MACROD2: variants seen among roughly 807,000 people sequenced by gnomAD.
MACROD2 encodes the protein mono-ADP ribosylhydrolase 2, also known as ADP-ribose glycohydrolase MACROD2.
A neutral mutation model predicts 70.4 loss-of-function variants in MACROD2; 36 were observed. The ratio of observed to expected loss-of-function variants is 0.51; its 90% CI spans 0.39 to 0.68. The LOEUF is 0.68. Among genes scored for constraint, MACROD2 ranks in the 30% least tolerant of loss-of-function variants. The pLI is 0.00. For synonymous variants in MACROD2, 172 were observed against 178.8 expected, an observed-to-expected ratio of 0.96 and a Z score of 0.30; for missense variants, 496 against 538.4, an observed-to-expected ratio of 0.92 and a Z score of 0.78.
chr20:16,033,818 T>C (rs1014725718), intron 15 of MACROD2, among the ~76,000 whole-genome samples: 5 of 147,144 alleles, frequency 3.4e-5, no homozygotes, highest in Non-Finnish European at 3.0e-5. Context: ...TAGCCAGAAG[T>C]AAGCAGACTT....
chr20:14,176,968 T>C (rs1405309254), intron 3 of MACROD2, among the ~76,000 whole-genome samples: 1 of 152,188 alleles, frequency 6.6e-6, no homozygotes, highest in Non-Finnish European at 1.5e-5. Flanking sequence ...ATTAGTTTAG[T>C]GAGAAATATG....
chr20:14,326,070 C>T lies in MACROD2; in HGVS notation c.272-167409C>T. 1.2e-6 allele frequency: 2 copies of T among 1,613,876 alleles called. No homozygotes were observed. Among genetic ancestry groups the T allele is most frequent in the Non-Finnish European group, 1.7e-6 (2 of 1,179,874 alleles). On this transcript the variant is annotated intron_variant, in intron 3 of 17. Transcript: ENST00000684519. The surrounding 1 kb of genome is among the most constrained non-coding windows in gnomAD (Gnocchi z 5.5). ...AGAGGTTGCTGGTTTCCATGGGAACCATGCATACTTTATAGGGTGAATCAG... is the reference window on the plus strand; with the variant it reads ...AGAGGTTGCTGGTTTCCATGGGAACTATGCATACTTTATAGGGTGAATCAG...
intron 5 of MACROD2, among the ~76,000 whole-genome samples, chr20:14,957,100 T>G (rs2074543871): frequency 6.6e-6 from 1 of 151,856 alleles, no homozygotes; most frequent in Admixed American, 6.6e-5. Flanking sequence ...TTATCAATGA[T>G]TTTTTTTAGT....
rs184603657 is a variant in MACROD2, at chr20:15,275,516, G to A, written c.540+45455G>A. Among the ~76,000 whole-genome samples, 122 of 152,290 alleles carry A rather than the reference G, an allele frequency of 8.0e-4. 1 individual carries two copies. The highest frequency in any genetic ancestry group is 2.9e-3 in the African/African-American group (120 of 41,570). ...AACATATAGTGGTAGACTCAAAGTA[G>A]ACTGGGCATCAAATTTACTGCATGT... On this transcript the variant is annotated intron_variant, in intron 6 of 17. Coordinates refer to ENST00000684519, the MANE Select transcript of MACROD2 (RefSeq NM_001351661.2).
chr20:14,451,164 G>A (rs780067089), intron 3 of MACROD2, among the ~76,000 whole-genome samples: 1 of 152,036 alleles, frequency 6.6e-6, no homozygotes, highest in Non-Finnish European at 1.5e-5. Flanking sequence ...TTACCTGGCC[G>A]GGTGCAGTGG....
rs755778680 is a variant in MACROD2, at chr20:14,317,881, T to C, written c.272-175598T>C. On this transcript the variant is annotated intron_variant, in intron 3 of 17. Transcript: ENST00000684519. ...TTAAAAGATCTAAAATACTTAATGC[T>C]GGGCTTGACAAAGTCTTCAACAAAT... Among the ~76,000 whole-genome samples the C allele has an allele frequency of 1.2e-3, 189 of 152,320 alleles. 1 individual carries two copies. The highest frequency in any genetic ancestry group is 6.8e-3 in the Middle Eastern group (2 of 294).
chr20:14,603,955 A>G (rs935942167), intron 4 of MACROD2, among the ~76,000 whole-genome samples: 2 of 152,122 alleles, frequency 1.3e-5, no homozygotes, highest in Non-Finnish European at 2.9e-5. Context: ...GCAATTCAAA[A>G]CAAGCTTTCT....
At chr20:14,255,907 T>C (rs1394578700) in intron 3 of MACROD2, among the ~76,000 whole-genome samples, 2 of 151,976 alleles carry the variant, frequency 1.3e-5, no homozygotes, top group Non-Finnish European at 2.9e-5. Flanking sequence ...GCCTAGATGT[T>C]GTTTTTTTCT....
chr20:14,629,752 G>A lies in MACROD2; in HGVS notation c.302-55091G>A, dbSNP rs565418315. The stretch of plus-strand genomic sequence containing the variant: ...AGATGTGCTGTCAATGAGCTTTGCA[G>A]ACTGGTTCTTTTCCCTCTAGCCAAG... On this transcript the variant is annotated intron_variant, in intron 4 of 17. Transcript: ENST00000684519. Among the ~76,000 whole-genome samples the A allele has an allele frequency of 2.0e-5, 3 of 152,282 alleles. No individual in the cohort carries two copies. In the South Asian group the frequency reaches 6.2e-4, roughly 32 times the overall value.
intron 8 of MACROD2, among the ~76,000 whole-genome samples, chr20:15,857,459 G>A (rs2064370121): frequency 6.6e-6 from 1 of 152,194 alleles, no homozygotes; most frequent in Non-Finnish European, 1.5e-5. Flanking sequence ...TGCTCTTGCT[G>A]CAGAACTTCA....
chr20:15,811,072 C>A (rs574699768), intron 8 of MACROD2, among the ~76,000 whole-genome samples: 109 of 151,558 alleles, frequency 7.2e-4, no homozygotes, highest in Admixed American at 5.1e-3. Flanking sequence ...GCAACAAAAG[C>A]CAAAATTGAC....
chr20:14,824,873 T>C (rs1376374521), intron 5 of MACROD2, among the ~76,000 whole-genome samples: 2 of 152,128 alleles, frequency 1.3e-5, no homozygotes, highest in East Asian at 1.9e-4. Flanking sequence ...GGTACTACCA[T>C]GTGCCGGTCA....
At chr20:15,082,786 G>T (rs377723286) in intron 5 of MACROD2, among the ~76,000 whole-genome samples, 1 of 151,592 alleles carries the variant, frequency 6.6e-6, no homozygotes. Flanking sequence ...TTTTCTGTTC[G>T]CATTCTCTCA....
At chr20:15,878,797 G>A (rs563788469) in intron 9 of MACROD2, among the ~76,000 whole-genome samples, 1 of 152,252 alleles carries the variant, frequency 6.6e-6, no homozygotes, top group South Asian at 2.1e-4. Flanking sequence ...AGAGCTCAAA[G>A]TAGGTTAGAC....
chr20:14,157,445 T>C (rs1411236887), intron 3 of MACROD2, among the ~76,000 whole-genome samples: 2 of 152,112 alleles, frequency 1.3e-5, no homozygotes, highest in Non-Finnish European at 1.5e-5. Flanking sequence ...TATAACAGAT[T>C]GTTGCTAACT....
intron 6 of MACROD2, among the ~76,000 whole-genome samples, chr20:15,325,651 A>G (rs963060436): frequency 6.6e-6 from 1 of 152,142 alleles, no homozygotes; most frequent in Non-Finnish European, 1.5e-5. Context: ...TAATCAAGCT[A>G]TGGCCTGTCT....
rs2076575816 is a variant in MACROD2 at position 15,192,045 on chromosome 20, TCTATCTATCTATCTATCTAA to T, written c.419-37894_419-37875del. Among the ~76,000 whole-genome samples the T allele has an allele frequency of 4.0e-5, 6 of 151,800 alleles. No individual in the cohort carries two copies. In the South Asian group the frequency reaches 1.3e-3, roughly 32 times the overall value. On this transcript the variant is annotated intron_variant, in intron 5 of 17. Coordinates refer to ENST00000684519, the MANE Select transcript of MACROD2 (RefSeq NM_001351661.2). ...ATCTATCTATCTATCTATCTATCTA[TCTATCTATCTATCTATCTAA>T]AACTCTCTCTCTCTCCATATATATT...
At chr20:14,950,506 C>A (rs1018638580) in intron 5 of MACROD2, among the ~76,000 whole-genome samples, 2 of 152,142 alleles carry the variant, frequency 1.3e-5, no homozygotes, top group Non-Finnish European at 2.9e-5. Flanking sequence ...AGAATAACCT[C>A]TGTAAGGACA....
At chr20:14,245,921 G>A (rs2081965156) in intron 3 of MACROD2, among the ~76,000 whole-genome samples, 1 of 152,126 alleles carries the variant, frequency 6.6e-6, no homozygotes, top group Non-Finnish European at 1.5e-5. Context: ...TATTATCTCA[G>A]GTTCTGCACA....
Sources: allele counts gnomAD v4.1 joint callset (sites outside exome capture counted in the v4.1 genomes callset), GRCh38; gene constraint gnomAD v4.1.1; non-coding constraint Gnocchi (gnomAD v3.1); transcripts MANE v1.5; gene names NCBI Gene and HGNC (gene_info 2026-07-23, HGNC 2026-07-21).